ITSN1: variants seen among roughly 807,000 people sequenced by gnomAD.
ITSN1 encodes the protein intersectin-1.
ITSN1 carries 58 observed loss-of-function variants against 239.8 expected under a neutral mutation model. That is an observed-to-expected ratio of 0.24 (90% CI 0.20 to 0.30). The LOEUF is 0.30. Among genes scored for constraint, ITSN1 ranks in the 10% least tolerant of loss-of-function variants. The probability of loss-of-function intolerance (pLI) is 1.00; values close to 1 mark genes in which losing one functional copy is unlikely to be tolerated. For synonymous variants in ITSN1, 780 were observed against 770.8 expected (o/e 1.01, Z -0.20); for missense variants, 1,558 against 2,103.3 (o/e 0.74, Z 5.07).
intron 4 of ITSN1, among the ~76,000 whole-genome samples, chr21:33,726,818 A>G (rs574245141): frequency 2.6e-4 from 40 of 152,368 alleles, no homozygotes; most frequent in African/African-American, 8.7e-4. Flanking sequence ...CATCACATCC[A>G]GCAAAGAAGA....
In ITSN1 at chr21:33,865,845, T is replaced by C. The variant is rs941502800; in HGVS notation, c.4074+511T>C. Among the ~76,000 whole-genome samples the C allele has an allele frequency of 9.2e-5, 14 of 152,078 alleles. 1 individual carries two copies. Among genetic ancestry groups the C allele is most frequent in the Middle Eastern group, 3.4e-3 (1 of 292 alleles). ...GATGCCAGGACCTCTTCCTTGGAGG[T>C]AGCAGGGATCTGGAGAGTTGGGAGT... is the stretch of plus-strand genomic sequence containing the variant. On this transcript the variant is annotated intron_variant, in intron 32 of 39. Transcript: ENST00000381318. This position sits in a 1 kb window ranked among gnomAD's most constrained non-coding sequence, Gnocchi z 4.4.
At chr21:33,832,058 A>C (rs1326000246) in intron 27 of ITSN1, among the ~76,000 whole-genome samples, 5 of 152,134 alleles carry the variant, frequency 3.3e-5, no homozygotes, top group African/African-American at 1.2e-4. Flanking sequence ...TGCCAGGGGA[A>C]GGCTTCCTGC....
intron 1 of ITSN1, among the ~76,000 whole-genome samples, chr21:33,691,491 A>C (rs189900526): frequency 1.3e-5 from 2 of 152,316 alleles, no homozygotes; most frequent in Non-Finnish European, 2.9e-5. Context: ...GATCCAGCTC[A>C]ATTCTGAATC....
At chr21:33,704,468 C>T (rs1392763660) in intron 1 of ITSN1, among the ~76,000 whole-genome samples, 1 of 152,178 alleles carries the variant, frequency 6.6e-6, no homozygotes, top group African/African-American at 2.4e-5. Context: ...AGGTTATCAT[C>T]ATGGGCTCTG....
intron 16 of ITSN1, among the ~76,000 whole-genome samples, chr21:33,783,320 T>C (rs2070360655): frequency 6.6e-6 from 1 of 152,246 alleles, no homozygotes; most frequent in Non-Finnish European, 1.5e-5. Context: ...ACCTTTGGAT[T>C]GAGATTCTAG....
At chr21:33,822,622 T>G (rs2073753630) in intron 24 of ITSN1, among the ~76,000 whole-genome samples, 1 of 152,214 alleles carries the variant, frequency 6.6e-6, no homozygotes, top group East Asian at 1.9e-4. Flanking sequence ...GATGCAAAGT[T>G]CTACATCTAA....
intron 34 of ITSN1, among the ~76,000 whole-genome samples, chr21:33,876,917 A>ATAGATG (rs1984019599): frequency 6.6e-6 from 1 of 152,104 alleles, no homozygotes. Context: ...AGATATAGAT[A>ATAGATG]TAGAACCCAT....
chr21:33,856,535 G>T (rs375408353), intron 29 of ITSN1, among the ~76,000 whole-genome samples: 2 of 152,186 alleles, frequency 1.3e-5, no homozygotes, highest in African/African-American at 2.4e-5. Flanking sequence ...TATATGAAAA[G>T]ACTATTTCCA....
intron 20 of ITSN1, among the ~76,000 whole-genome samples, chr21:33,808,193 C>CAAAAAAAA (rs201200641): frequency 8.4e-6 from 1 of 118,884 alleles, no homozygotes; most frequent in African/African-American, 3.1e-5. Context: ...GACTCCGTCT[C>CAAAAAAAA]AAAAAAAAAA....
At chr21:33,783,083 A>G (rs1221606571) in intron 16 of ITSN1, among the ~76,000 whole-genome samples, 1 of 152,208 alleles carries the variant, frequency 6.6e-6, no homozygotes, top group Non-Finnish European at 1.5e-5. Flanking sequence ...TTTCTTATAA[A>G]CAATCATATA....
At chr21:33,818,901 C>T (rs549995854) in intron 23 of ITSN1, among the ~76,000 whole-genome samples, 39 of 152,252 alleles carry the variant, frequency 2.6e-4, no homozygotes, top group Non-Finnish European at 4.3e-4. Flanking sequence ...GTTGTTAATT[C>T]CTCCAACCAT....
In ITSN1 at chr21:33,817,698, A is replaced by G. The variant is rs2073383166; in HGVS notation, c.2728-569A>G. The G allele has an allele frequency of 5.6e-6, 6 of 1,075,690 alleles. No individual in the cohort carries two copies. The Admixed American group carries it at 1.8e-4, about 32-fold the overall frequency. 66.6% of individuals were successfully genotyped at this position (1,075,690 alleles called of 1,614,324 possible). ...TTTTTCATCTGTAATCTCATGGGGC[A>G]GTGCATGTAGATGTACAATAAATGG... On this transcript the variant is annotated intron_variant, in intron 22 of 39. Transcript: ENST00000381318.
chr21:33,811,607 G>T (rs1259214286), intron 21 of ITSN1, among the ~76,000 whole-genome samples: 2 of 152,148 alleles, frequency 1.3e-5, no homozygotes, highest in Non-Finnish European at 2.9e-5. Context: ...TTGCCAGGCA[G>T]AAGCAAAAAT....
At chr21:33,733,639 G>A (rs914694739) in intron 4 of ITSN1, among the ~76,000 whole-genome samples, 14 of 151,930 alleles carry the variant, frequency 9.2e-5, no homozygotes, top group African/African-American at 3.1e-4. Context: ...GCAATATATA[G>A]AAAATTTGGC....
intron 34 of ITSN1, among the ~76,000 whole-genome samples, chr21:33,879,639 A>G (rs1984562918): frequency 6.6e-6 from 1 of 152,214 alleles, no homozygotes; most frequent in Non-Finnish European, 1.5e-5. Flanking sequence ...AGAGGGACAC[A>G]GTGAGGCCGG....
At chr21:33,746,612 C>T (rs148128368) in intron 5 of ITSN1, among the ~76,000 whole-genome samples, 1 of 152,148 alleles carries the variant, frequency 6.6e-6, no homozygotes, top group East Asian at 1.9e-4. Context: ...AGGCCGAGGC[C>T]TGTGGATCAC....
intron 5 of ITSN1, among the ~76,000 whole-genome samples, chr21:33,738,714 T>C (rs911138628): frequency 2.6e-5 from 4 of 152,274 alleles, no homozygotes; most frequent in African/African-American, 9.6e-5. Flanking sequence ...TTAGGTTTTT[T>C]AAAATTACCT....
At chr21:33,761,464 C>T (rs1054994928) in intron 8 of ITSN1, among the ~76,000 whole-genome samples, 1 of 151,956 alleles carries the variant, frequency 6.6e-6, no homozygotes, top group African/African-American at 2.4e-5. Flanking sequence ...GAGATCTCTC[C>T]GAGGTCCCTT....
intron 8 of ITSN1, among the ~76,000 whole-genome samples, chr21:33,759,821 C>G (rs1036850652): frequency 6.6e-6 from 1 of 152,006 alleles, no homozygotes; most frequent in Non-Finnish European, 1.5e-5. Flanking sequence ...ATGGACAGGC[C>G]GGGCACAGTG....
Sources: gnomAD v4.1 joint callset for allele counts (sites outside exome capture counted in the v4.1 genomes callset) on GRCh38, gnomAD v4.1.1 for gene constraint, Gnocchi (gnomAD v3.1) non-coding constraint, MANE v1.5 for transcripts, NCBI Gene and HGNC (gene_info 2026-07-23, HGNC 2026-07-21) for gene names.